The following EFCAB5 variants were observed in gnomAD, a reference collection of about 807,000 sequenced individuals.
EFCAB5 encodes the protein EF-hand calcium-binding domain-containing protein 5.
Under a neutral mutation model 167.9 loss-of-function variants are expected in EFCAB5, and 131 were observed. That is an observed-to-expected ratio of 0.78 (90% confidence interval 0.68 to 0.90). EFCAB5 has a LOEUF of 0.90. Ranked by LOEUF, EFCAB5 falls within the 40% of genes least tolerant of loss-of-function variation. The pLI is 0.00. For synonymous variants in EFCAB5, 574 were observed against 602.8 expected, an observed-to-expected ratio of 0.95 and a Z score of 0.70; for missense variants, 1,663 against 1,745.2, an observed-to-expected ratio of 0.95 and a Z score of 0.84.
intron 7 of EFCAB5, among the ~76,000 whole-genome samples, chr17:30,027,692 T>G (rs1294944602): frequency 6.6e-6 from 1 of 152,062 alleles, no homozygotes; most frequent in African/African-American, 2.4e-5. Flanking sequence ...AAACTTTCTG[T>G]GTTAAAACCA....
intron 7 of EFCAB5, among the ~76,000 whole-genome samples, chr17:30,020,421 A>G (rs1444698878): frequency 6.7e-6 from 1 of 149,206 alleles, no homozygotes; most frequent in Non-Finnish European, 1.5e-5. Flanking sequence ...CTTGAATGCA[A>G]TGGCATGATC....
At chr17:30,069,616 C>T in intron 14 of EFCAB5, 5 of 1,612,562 alleles carry the variant, frequency 3.1e-6, no homozygotes, top group Non-Finnish European at 3.4e-6. Flanking sequence ...TGCTCTTCCT[C>T]GACTGGTACC....
chr17:30,069,616 C>G (rs761770994), intron 14 of EFCAB5: 1 of 1,612,562 alleles, frequency 6.2e-7, no homozygotes, highest in Non-Finnish European at 8.5e-7. Flanking sequence ...TGCTCTTCCT[C>G]GACTGGTACC....
At chr17:29,980,104 G>A (rs2068143013) in intron 4 of EFCAB5, among the ~76,000 whole-genome samples, 1 of 152,200 alleles carries the variant, frequency 6.6e-6, no homozygotes, top group Non-Finnish European at 1.5e-5. Flanking sequence ...GGGAGGCGGA[G>A]GTTGCAGTGA....
chr17:29,978,948 G>T (rs2068115301), intron 4 of EFCAB5, among the ~76,000 whole-genome samples: 2 of 152,140 alleles, frequency 1.3e-5, no homozygotes, highest in African/African-American at 2.4e-5. Flanking sequence ...GCTTCCCTGG[G>T]GCAGGGGGGA....
At position 30,080,924 on chromosome 17, in the gene EFCAB5, C is replaced by T. The variant is rs1420531355; in HGVS notation, c.3369C>T (p.Thr1123=). The change falls in exon 17 of 23, where the codon ACC becomes ACT. Residue 1123 remains threonine (T), a synonymous_variant. Transcript: ENST00000394835. ...TCTTTGGGGTCTTGGCTGTTGATAC[C>T]CTTAGAGATCCCCACGAAATAAACA... The part of the protein sequence containing the change: ...MRIFGVLAVD[T]LRDPHEINIF... 1.2e-6 allele frequency: 2 copies of T among 1,613,398 alleles called. No individual in the cohort carries two copies. The highest frequency in any genetic ancestry group is 1.7e-6 in the Non-Finnish European group (2 of 1,179,860).
In EFCAB5 at chr17:30,089,019, C is replaced by A. The variant is rs9905986; in HGVS notation, c.3684-1402C>A. Among the ~76,000 whole-genome samples, 1,088 of 152,004 alleles carry A rather than the reference C, an allele frequency of 7.2e-3. 10 individuals carry two copies. The highest frequency in any genetic ancestry group is 0.023 in the African/African-American group (945 of 41,454). ...GGTTTGTTACATATGTATACATGTG[C>A]CATGTTGGTGTGCTGCGCCCGTTAA... On this transcript the variant is annotated intron_variant, in intron 19 of 22. Transcript: ENST00000394835.
intron 8 of EFCAB5, among the ~76,000 whole-genome samples, chr17:30,039,859 T>G (rs1305998222): frequency 1.3e-5 from 2 of 152,182 alleles, no homozygotes; most frequent in Non-Finnish European, 2.9e-5. Context: ...CTTCTCCACC[T>G]CCTACAACTG....
chr17:30,087,259 A>T, intron 19 of EFCAB5, 93 bp downstream of exon 19: 1 of 944,548 alleles, frequency 1.1e-6, no homozygotes, highest in Non-Finnish European at 1.6e-6. Flanking sequence ...TCTTGCTCAT[A>T]CACGCTGACT....
intron 5 of EFCAB5, among the ~76,000 whole-genome samples, chr17:29,996,084 A>G (rs1159429361): frequency 6.6e-6 from 1 of 152,184 alleles, no homozygotes; most frequent in African/African-American, 2.4e-5. Flanking sequence ...TGCAAAAAAA[A>G]TTGAAATCCA....
At chr17:29,979,031 T>C (rs1490780127) in intron 4 of EFCAB5, among the ~76,000 whole-genome samples, 1 of 152,096 alleles carries the variant, frequency 6.6e-6, no homozygotes, top group African/African-American at 2.4e-5. Context: ...GGTGGCTCAA[T>C]TGGAACTCAA....
At position 30,086,927 on chromosome 17, in the gene EFCAB5, T is replaced by C. The variant is rs765168872; in HGVS notation, c.3580-136T>C. ...AAATTATCCTGTTCTCTAATGGTAC[T>C]AAGTAAAATGTCACTGTCCTTAAAG... is the stretch of plus-strand genomic sequence containing the variant. On this transcript the variant is annotated intron_variant, in intron 18 of 22. Transcript: ENST00000394835. The C allele has an allele frequency of 2.3e-4, 152 of 653,656 alleles. 11 individuals are homozygous for C. The highest frequency in any genetic ancestry group is 8.3e-5 in the Non-Finnish European group (33 of 398,958). The allele number at this position is 653,656 out of a possible 1,614,324, so 40.5% of individuals were successfully genotyped here.
At chr17:29,985,516 G>A (rs1275696985) in intron 4 of EFCAB5, among the ~76,000 whole-genome samples, 1 of 152,164 alleles carries the variant, frequency 6.6e-6, no homozygotes, top group Admixed American at 6.5e-5. Context: ...AGAGCCGAGA[G>A]CCTGGAACAG....
intron 4 of EFCAB5, among the ~76,000 whole-genome samples, chr17:29,970,777 C>A (rs954177609): frequency 6.6e-6 from 1 of 151,960 alleles, no homozygotes; most frequent in African/African-American, 2.4e-5. Flanking sequence ...ATTATTGTTG[C>A]CCTAAAGTTT....
intron 7 of EFCAB5, among the ~76,000 whole-genome samples, chr17:30,027,025 C>T (rs1410985421): frequency 7.9e-4 from 86 of 108,718 alleles, no homozygotes; most frequent in African/African-American, 2.9e-3. Flanking sequence ...CTCGCTCTGT[C>T]GCCCAGGCTG....
chr17:29,930,397 CA>C (rs1483407771), intron 1 of EFCAB5: 1 of 215,998 alleles, frequency 4.6e-6, no homozygotes, highest in Non-Finnish European at 9.3e-6. Context: ...CGCGGTTTGC[CA>C]GCACTGGGTG....
intron 4 of EFCAB5, 98 bp downstream of exon 4, chr17:29,969,465 A>G (rs2067905603): frequency 9.3e-7 from 1 of 1,070,106 alleles, no homozygotes; most frequent in Non-Finnish European, 1.3e-6. Context: ...AAAACAAGTG[A>G]TTCTACAGTT....
intron 17 of EFCAB5, 24 bp downstream of exon 17, chr17:30,081,005 G>T: frequency 1.3e-6 from 2 of 1,576,678 alleles, no homozygotes; most frequent in South Asian, 1.1e-5. Context: ...GTCTTCAAGA[G>T]CGATGGTAGG....
intron 13 of EFCAB5, among the ~76,000 whole-genome samples, chr17:30,058,734 T>A (rs144286966): frequency 2.0e-4 from 30 of 152,218 alleles, no homozygotes; most frequent in Middle Eastern, 3.4e-3. Flanking sequence ...CCAGCTGCAG[T>A]GGCTTATGCT....
Sources: gnomAD v4.1 joint callset for allele counts (sites outside exome capture counted in the v4.1 genomes callset) on GRCh38, gnomAD v4.1.1 for gene constraint, MANE v1.5 for transcripts, NCBI Gene and HGNC (gene_info 2026-07-23, HGNC 2026-07-21) for gene names.